The following MARCHF1 variants were observed in gnomAD, a reference collection of about 807,000 sequenced individuals.
The protein encoded by MARCHF1 is membrane associated ring-CH-type finger 1.
MARCHF1 carries 40 observed loss-of-function variants against 54.2 expected under a neutral mutation model. That is an observed-to-expected ratio of 0.74 (90% CI 0.57 to 0.96). The LOEUF is 0.96. Ranked by LOEUF, MARCHF1 falls within the 40% of genes least tolerant of loss-of-function variation. The probability of loss-of-function intolerance (pLI) is 0.00; values close to 1 mark genes in which losing one functional copy is unlikely to be tolerated. For synonymous variants in MARCHF1, 236 were observed against 236.3 expected, an observed-to-expected ratio of 1.00 and a Z score of 0.01; for missense variants, 586 against 656.5, an observed-to-expected ratio of 0.89 and a Z score of 1.17.
chr4:164,340,734 T>C (rs978869294), intron 1 of MARCHF1, among the ~76,000 whole-genome samples: 3 of 151,668 alleles, frequency 2.0e-5, no homozygotes, highest in African/African-American at 7.3e-5. Flanking sequence ...TTTTTTCATA[T>C]TTTTAATAGA....
chr4:163,955,851 C>T (rs1752222579), intron 3 of MARCHF1, among the ~76,000 whole-genome samples: 1 of 151,850 alleles, frequency 6.6e-6, no homozygotes, highest in Non-Finnish European at 1.5e-5. Flanking sequence ...GTTTTATTTC[C>T]AATAATATAT....
chr4:164,249,709 A>G (rs928365125), intron 1 of MARCHF1, among the ~76,000 whole-genome samples: 3 of 150,696 alleles, frequency 2.0e-5, no homozygotes, highest in Admixed American at 1.3e-4. Context: ...AAAACCAGTT[A>G]AAAAAAAATG....
At chr4:164,147,954 T>A (rs1371871640) in intron 1 of MARCHF1, among the ~76,000 whole-genome samples, 1 of 152,110 alleles carries the variant, frequency 6.6e-6, no homozygotes. Context: ...TAGCAAAGTA[T>A]AATCTATAGA....
At chr4:163,553,011 C>A (rs1471617558) in intron 8 of MARCHF1, among the ~76,000 whole-genome samples, 1 of 135,466 alleles carries the variant, frequency 7.4e-6, no homozygotes, top group African/African-American at 2.9e-5. Flanking sequence ...CCAGCCTGGG[C>A]GACAGAGCGA....
chr4:164,371,405 T>C (rs1436722586), intron 1 of MARCHF1, among the ~76,000 whole-genome samples: 1 of 152,098 alleles, frequency 6.6e-6, no homozygotes, highest in Non-Finnish European at 1.5e-5. Context: ...AAACTGAGCA[T>C]AACAAAATTT....
intron 4 of MARCHF1, among the ~76,000 whole-genome samples, chr4:163,740,115 C>A (rs567143729): frequency 6.6e-6 from 1 of 152,276 alleles, no homozygotes; most frequent in Admixed American, 6.5e-5. Context: ...ATTATGCCAG[C>A]TGAGAGAGCA....
chr4:164,158,206 CTATTA>C (rs1485988120), intron 1 of MARCHF1, among the ~76,000 whole-genome samples: 1 of 152,126 alleles, frequency 6.6e-6, no homozygotes, highest in African/African-American at 2.4e-5. Flanking sequence ...AAGACTCTTC[CTATTA>C]TATTTCAACA....
At chr4:164,319,629 A>G (rs1735089813) in intron 1 of MARCHF1, among the ~76,000 whole-genome samples, 1 of 152,180 alleles carries the variant, frequency 6.6e-6, no homozygotes, top group South Asian at 2.1e-4. Flanking sequence ...CTAATACTGT[A>G]TCTCATGTTT....
chr4:163,669,142 T>C (rs1182924861), intron 5 of MARCHF1, among the ~76,000 whole-genome samples: 5 of 152,198 alleles, frequency 3.3e-5, no homozygotes, highest in Non-Finnish European at 7.4e-5. Context: ...TTAAATACTT[T>C]ATACCTGGAG....
intron 2 of MARCHF1, among the ~76,000 whole-genome samples, chr4:163,989,893 G>A (rs560521647): frequency 2.2e-4 from 34 of 152,158 alleles, no homozygotes; most frequent in East Asian, 7.7e-4. Context: ...AAAGTTCCTC[G>A]TTTTTATATA....
intron 5 of MARCHF1, among the ~76,000 whole-genome samples, chr4:163,693,162 T>C (rs1257244054): frequency 2.0e-5 from 3 of 151,360 alleles, no homozygotes; most frequent in African/African-American, 7.3e-5. Flanking sequence ...ATAATCTGAA[T>C]GCTTTGTTAG....
intron 4 of MARCHF1, among the ~76,000 whole-genome samples, chr4:163,842,846 T>C (rs1322409187): frequency 6.6e-6 from 1 of 152,194 alleles, no homozygotes; most frequent in Non-Finnish European, 1.5e-5. Flanking sequence ...CATTGTTTTC[T>C]GTTTTTTATC....
intron 7 of MARCHF1, among the ~76,000 whole-genome samples, chr4:163,610,691 A>G (rs1741308047): frequency 6.6e-6 from 1 of 152,104 alleles, no homozygotes; most frequent in Admixed American, 6.6e-5. Flanking sequence ...TAATTAAAAG[A>G]TTATAAGAAA....
chr4:164,082,100 G>T (rs1229086663), intron 2 of MARCHF1, among the ~76,000 whole-genome samples: 1 of 152,184 alleles, frequency 6.6e-6, no homozygotes, highest in East Asian at 1.9e-4. Flanking sequence ...GCCCCAGGAG[G>T]CTACTTTCCC....
intron 5 of MARCHF1, among the ~76,000 whole-genome samples, chr4:163,617,027 G>A (rs770742767): frequency 1.3e-5 from 2 of 152,044 alleles, no homozygotes; most frequent in Non-Finnish European, 2.9e-5. Context: ...GCAGATGAAT[G>A]GATACAGAAA....
intron 3 of MARCHF1, among the ~76,000 whole-genome samples, chr4:163,889,854 TAAAAA>T (rs68062722): frequency 8.2e-5 from 12 of 147,008 alleles, no homozygotes; most frequent in African/African-American, 3.0e-4. Flanking sequence ...ACCTGCAGAT[TAAAAA>T]AAAAAAATCT....
intron 3 of MARCHF1, among the ~76,000 whole-genome samples, chr4:163,873,991 T>C (rs1177003658): frequency 6.6e-6 from 1 of 152,222 alleles, no homozygotes; most frequent in Admixed American, 6.5e-5. Context: ...TCAACTCTTA[T>C]TTTTTAAAGA....
rs1744777143 is a variant in MARCHF1, at chr4:163,700,528, A to AAG, written c.162+284_162+285insCT. On this transcript the variant is annotated intron_variant, in intron 5 of 9. Coordinates refer to ENST00000514618, the MANE Select transcript of MARCHF1 (RefSeq NM_001394959.1). ...TAAAAAGATAGATAGAAAGAAAGAAAGAAGGAAGGAAGGAAGGAAGGAAGG... is the reference window on the plus strand; with the variant it reads ...TAAAAAGATAGATAGAAAGAAAGAAAAGGAAGGAAGGAAGGAAGGAAGGAAGG... Among the ~76,000 whole-genome samples, 31 of 114,562 alleles carry AAG rather than the reference A, an allele frequency of 2.7e-4. No homozygotes were observed. The South Asian group carries it at 2.7e-3, about 10-fold the overall frequency. The allele number at this position is 114,562 out of a possible 152,430, so 75.2% of individuals were successfully genotyped here.
chr4:163,732,024 G>T (rs530780433), intron 4 of MARCHF1, among the ~76,000 whole-genome samples: 6 of 152,068 alleles, frequency 3.9e-5, no homozygotes, highest in African/African-American at 1.4e-4. Flanking sequence ...CACATTGTTT[G>T]GTGTCAAATA....
Sources: gnomAD v4.1 joint callset for allele counts (sites outside exome capture counted in the v4.1 genomes callset) on GRCh38, gnomAD v4.1.1 for gene constraint, MANE v1.5 for transcripts, NCBI Gene and HGNC (gene_info 2026-07-23, HGNC 2026-07-21) for gene names.